OPCML: variants seen among roughly 807,000 people sequenced by gnomAD.
OPCML encodes opioid-binding protein/cell adhesion molecule.
Under a neutral mutation model 37.8 loss-of-function variants are expected in OPCML, and 13 were observed. The observed-to-expected ratio is 0.34, with a 90% CI of 0.22 to 0.55. The LOEUF is 0.55. OPCML is among the 20% of genes least tolerant of loss of function. The pLI is 0.91. For missense variants in OPCML, 341 were observed against 435.6 expected, an observed-to-expected ratio of 0.78 and a Z score of 1.93; for synonymous variants, 176 against 168.8, an observed-to-expected ratio of 1.04 and a Z score of -0.33.
chr11:133,043,706 G>T (rs1040015100), intron 1 of OPCML, among the ~76,000 whole-genome samples: 2 of 152,126 alleles, frequency 1.3e-5, no homozygotes, highest in Non-Finnish European at 2.9e-5. Flanking sequence ...GAGTGATTGC[G>T]TGCGGTTACT....
chr11:132,691,877 G>A (rs546493968), intron 2 of OPCML, among the ~76,000 whole-genome samples: 2 of 152,082 alleles, frequency 1.3e-5, no homozygotes, highest in South Asian at 4.1e-4. Flanking sequence ...TTTCACAGAG[G>A]GGACTTAGAA....
chr11:132,525,457 C>A (rs1591506264), intron 4 of OPCML, among the ~76,000 whole-genome samples: 1 of 152,122 alleles, frequency 6.6e-6, no homozygotes, highest in South Asian at 2.1e-4. Context: ...CACCATAATC[C>A]TACTGGAATT....
intron 2 of OPCML, among the ~76,000 whole-genome samples, chr11:132,715,524 C>T (rs1031162998): frequency 6.6e-6 from 1 of 152,170 alleles, no homozygotes; most frequent in Non-Finnish European, 1.5e-5. Context: ...AGGTTGAAAT[C>T]CTAGCCCCTA....
chr11:132,692,131 C>T (rs552471303), intron 2 of OPCML, among the ~76,000 whole-genome samples: 19 of 152,070 alleles, frequency 1.2e-4, no homozygotes, highest in African/African-American at 3.6e-4. Context: ...CATCATTTAT[C>T]GTAAGCAATG....
intron 2 of OPCML, among the ~76,000 whole-genome samples, chr11:132,892,223 C>T (rs1473314285): frequency 1.3e-5 from 2 of 152,052 alleles, no homozygotes; most frequent in East Asian, 1.9e-4. Flanking sequence ...AAATTTACAG[C>T]GGAAAAGGCA....
At chr11:133,399,666 C>T (rs1395064444) in intron 1 of OPCML, among the ~76,000 whole-genome samples, 4 of 152,028 alleles carry the variant, frequency 2.6e-5, no homozygotes, top group African/African-American at 9.7e-5. Flanking sequence ...ATACAAATGG[C>T]CATTAGTCCT....
intron 2 of OPCML, among the ~76,000 whole-genome samples, chr11:132,755,032 G>A (rs1044837002): frequency 6.6e-6 from 1 of 152,134 alleles, no homozygotes; most frequent in Non-Finnish European, 1.5e-5. Context: ...TGTATGTTTA[G>A]AAAATTTGTA....
At position 132,624,782 on chromosome 11, in the gene OPCML, C is replaced by T. The variant is rs773140338; in HGVS notation, c.379+32305G>A. Among the ~76,000 whole-genome samples the T allele has an allele frequency of 8.5e-5, 13 of 152,160 alleles. No homozygotes were observed. The East Asian group carries it at 9.7e-4, about 11-fold the overall frequency. On this transcript the variant is annotated intron_variant, in intron 3 of 7. Coordinates refer to ENST00000524381, the MANE Select transcript of OPCML (RefSeq NM_001012393.5). Reference sequence around the variant, plus strand: ...CAGGTTACCTCATGCTTTACGTGTCCGAAACAAATCCTCATACTCACTCCT... The same window carrying T: ...CAGGTTACCTCATGCTTTACGTGTCTGAAACAAATCCTCATACTCACTCCT...
chr11:132,520,396 A>T (rs533043486), intron 4 of OPCML, among the ~76,000 whole-genome samples: 1 of 152,242 alleles, frequency 6.6e-6, no homozygotes, highest in South Asian at 2.1e-4. Context: ...AAATAGACAA[A>T]TTATTCTTTC....
At chr11:132,982,631 C>T (rs1946611678) in intron 1 of OPCML, among the ~76,000 whole-genome samples, 1 of 152,140 alleles carries the variant, frequency 6.6e-6, no homozygotes, top group African/African-American at 2.4e-5. Context: ...TCACTTCACC[C>T]TTCACCTTGG....
intron 1 of OPCML, among the ~76,000 whole-genome samples, chr11:133,141,104 A>AAGAAGAAGAAGAAGAAGAAGAAGC (rs1565469412): frequency 7.4e-6 from 1 of 135,184 alleles, no homozygotes. Context: ...GGAGAAGAAG[A>AAGAAGAAGAAGAAGAAGAAGAAGC]AGCAGCTGAA....
intron 2 of OPCML, among the ~76,000 whole-genome samples, chr11:132,909,477 C>A (rs996832907): frequency 5.3e-5 from 8 of 152,200 alleles, no homozygotes; most frequent in Non-Finnish European, 1.2e-4. Context: ...TGGCAGCCCA[C>A]CCCAACCCAA....
chr11:132,738,830 GTGGTACC>G (rs1591538826), intron 2 of OPCML, among the ~76,000 whole-genome samples: 2 of 152,314 alleles, frequency 1.3e-5, no homozygotes, highest in East Asian at 3.9e-4. Flanking sequence ...GTAGTAGCAT[GTGGTACC>G]TTCAACCTTG....
intron 2 of OPCML, among the ~76,000 whole-genome samples, chr11:132,896,276 CTT>C (rs935815451): frequency 6.6e-6 from 1 of 152,156 alleles, no homozygotes; most frequent in Non-Finnish European, 1.5e-5. Context: ...AGAAGACAGA[CTT>C]TTCATCAATA....
chr11:133,158,963 T>C (rs1159509328), intron 1 of OPCML, among the ~76,000 whole-genome samples: 2 of 152,052 alleles, frequency 1.3e-5, no homozygotes, highest in Non-Finnish European at 2.9e-5. Context: ...ACCGATGAAT[T>C]GCACACTCAG....
At chr11:133,119,759 G>A (rs999334716) in intron 1 of OPCML, among the ~76,000 whole-genome samples, 1 of 152,230 alleles carries the variant, frequency 6.6e-6, no homozygotes, top group East Asian at 1.9e-4. Context: ...ACCAGTCAGA[G>A]AAGACAGGGG....
chr11:132,912,579 C>G (rs1337160255), intron 2 of OPCML, among the ~76,000 whole-genome samples: 2 of 152,138 alleles, frequency 1.3e-5, no homozygotes, highest in Non-Finnish European at 2.9e-5. Flanking sequence ...GAAAGGAAAA[C>G]TCTAAAATGG....
At chr11:133,203,631 T>A (rs1313078636) in intron 1 of OPCML, among the ~76,000 whole-genome samples, 1 of 152,230 alleles carries the variant, frequency 6.6e-6, no homozygotes, top group Non-Finnish European at 1.5e-5. Context: ...ATCTGGTCAA[T>A]CCTGTCTGTG....
At chr11:132,665,686 A>G (rs931331026) in intron 2 of OPCML, among the ~76,000 whole-genome samples, 4 of 152,196 alleles carry the variant, frequency 2.6e-5, no homozygotes, top group Admixed American at 2.6e-4. Flanking sequence ...TCTGAACAAA[A>G]TAATGAATGA....
Sources: gnomAD v4.1 joint callset for allele counts (sites outside exome capture counted in the v4.1 genomes callset) on GRCh38, gnomAD v4.1.1 for gene constraint, MANE v1.5 for transcripts, NCBI Gene and HGNC (gene_info 2026-07-23, HGNC 2026-07-21) for gene names.